HPCAL1: variants seen among roughly 807,000 people sequenced by gnomAD.
HPCAL1 encodes the protein hippocalcin like 1, also known as hippocalcin-like protein 1.
Under a neutral mutation model 17.1 loss-of-function variants are expected in HPCAL1, and 8 were observed. The observed-to-expected ratio is 0.47, with a 90% CI of 0.27 to 0.84. The LOEUF (loss-of-function observed/expected upper bound fraction) is 0.84, where lower values mean the gene tolerates loss of function less well. Ranked by LOEUF, HPCAL1 falls within the 40% of genes least tolerant of loss-of-function variation. The pLI is 0.13. For missense variants in HPCAL1, 165 were observed against 271.1 expected, an observed-to-expected ratio of 0.61 and a Z score of 2.75; for synonymous variants, 112 against 111.4, an observed-to-expected ratio of 1.01 and a Z score of -0.03.
intron 1 of HPCAL1, among the ~76,000 whole-genome samples, chr2:10,345,803 AAGTGAT>A (rs1453189168): frequency 1.3e-5 from 2 of 152,202 alleles, no homozygotes; most frequent in Admixed American, 1.3e-4. Flanking sequence ...CTGAATATAA[AAGTGAT>A]ACATGCATGT....
intron 1 of HPCAL1, among the ~76,000 whole-genome samples, chr2:10,309,857 G>T (rs1018441573): frequency 6.6e-6 from 1 of 152,152 alleles, no homozygotes; most frequent in Admixed American, 6.5e-5. Flanking sequence ...CCCATTGTAC[G>T]CCAGGTAGAT....
chr2:10,396,640 G>T (rs1669045959), intron 1 of HPCAL1, among the ~76,000 whole-genome samples, 195 bp from the exon 2 acceptor site: 1 of 152,248 alleles, frequency 6.6e-6, no homozygotes, highest in Non-Finnish European at 1.5e-5. Flanking sequence ...GCCTGCTGGG[G>T]TGCAGCGGCC....
chr2:10,350,975 G>A (rs1019309108), intron 1 of HPCAL1, among the ~76,000 whole-genome samples: 12 of 152,218 alleles, frequency 7.9e-5, no homozygotes, highest in African/African-American at 2.2e-4. Context: ...TTGGTAGGAT[G>A]AAAATGGTGC....
intron 2 of HPCAL1, among the ~76,000 whole-genome samples, chr2:10,407,046 G>C (rs1343062782): frequency 6.6e-6 from 1 of 152,138 alleles, no homozygotes; most frequent in Non-Finnish European, 1.5e-5. Context: ...CACTGGTCCA[G>C]GGAATGATCT....
At chr2:10,371,795 G>T (rs1007032986) in intron 1 of HPCAL1, among the ~76,000 whole-genome samples, 1 of 152,190 alleles carries the variant, frequency 6.6e-6, no homozygotes, top group Non-Finnish European at 1.5e-5. Flanking sequence ...TCGCTGTCAG[G>T]GGTCAGCGTG....
Position 10,394,372 on chromosome 2 carries a change from G to A in HPCAL1, c.-110-2463G>A, listed in dbSNP as rs535380675. Among the ~76,000 whole-genome samples the A allele has an allele frequency of 4.6e-5, 7 of 152,170 alleles. No individual in the cohort carries two copies. Among genetic ancestry groups the A allele is most frequent in the East Asian group, 1.9e-4 (1 of 5,178 alleles). ...TGGTTCCATTGCTGGGTTTCTCCTC[G>A]TGGAGAGCCCTTGACCCTGTCCAGG... is the stretch of plus-strand genomic sequence containing the variant. On this transcript the variant is annotated intron_variant, in intron 1 of 4. Transcript: ENST00000307845. The surrounding 1 kb of genome is among the most constrained non-coding windows in gnomAD (Gnocchi z 5.0).
intron 2 of HPCAL1, among the ~76,000 whole-genome samples, chr2:10,415,453 T>C (rs954610504): frequency 6.6e-6 from 1 of 152,132 alleles, no homozygotes; most frequent in African/African-American, 2.4e-5. Context: ...TCTATCAGTT[T>C]GGGGGTTCTC....
At chr2:10,303,591 C>A (rs1485127519) in intron 1 of HPCAL1, 1 of 152,296 alleles carries the variant, frequency 6.6e-6, no homozygotes, top group East Asian at 1.9e-4. Flanking sequence ...CAGTGCGTAG[C>A]TTAGGAGCCT....
intron 1 of HPCAL1, among the ~76,000 whole-genome samples, chr2:10,334,569 C>T (rs1387303351): frequency 6.7e-6 from 1 of 149,278 alleles, no homozygotes; most frequent in African/African-American, 2.5e-5. Context: ...ATATATATAT[C>T]ACTTTGTAAT....
intron 2 of HPCAL1, among the ~76,000 whole-genome samples, chr2:10,397,132 C>T (rs901339978): frequency 5.3e-5 from 8 of 152,172 alleles, no homozygotes; most frequent in African/African-American, 1.7e-4. Flanking sequence ...AGAAACAGCC[C>T]CCCAGGCCCC....
intron 1 of HPCAL1, among the ~76,000 whole-genome samples, chr2:10,332,975 C>T (rs917099366): frequency 1.9e-5 from 1 of 52,786 alleles, no homozygotes; most frequent in African/African-American, 8.7e-5. Context: ...GTGAGGGGTG[C>T]AGGGGGGAGG....
intron 1 of HPCAL1, among the ~76,000 whole-genome samples, chr2:10,364,586 C>CTTTT (rs747134630): frequency 7.0e-6 from 1 of 143,764 alleles, no homozygotes. Context: ...CTCCCGCCTC[C>CTTTT]TTTTTTTTTT....
At chr2:10,414,212 T>A (rs1013982339) in intron 2 of HPCAL1, among the ~76,000 whole-genome samples, 1 of 152,260 alleles carries the variant, frequency 6.6e-6, no homozygotes, top group African/African-American at 2.4e-5. Context: ...GTACCTGGCA[T>A]CACTCCTGCC....
At chr2:10,393,146 C>T (rs991114644) in intron 1 of HPCAL1, among the ~76,000 whole-genome samples, 9 of 152,198 alleles carry the variant, frequency 5.9e-5, no homozygotes, top group African/African-American at 1.9e-4. Flanking sequence ...AGACAGAAAT[C>T]GGGAGCAACC....
intron 1 of HPCAL1, among the ~76,000 whole-genome samples, chr2:10,355,268 G>A (rs970249585): frequency 1.9e-4 from 29 of 151,572 alleles, no homozygotes; most frequent in African/African-American, 6.0e-4. Flanking sequence ...TGGCTAAAAC[G>A]GGGAAACCCC....
intron 1 of HPCAL1, among the ~76,000 whole-genome samples, chr2:10,312,904 TCATCACTGTCACCACCATCAC>T (rs1663083994): frequency 1.3e-5 from 2 of 152,134 alleles, no homozygotes; most frequent in Non-Finnish European, 2.9e-5. Flanking sequence ...ATCGTCATCA[TCATCACTGTCACCACCATCAC>T]CATCACTGTC....
chr2:10,387,638 T>C (rs1435391790), intron 1 of HPCAL1, among the ~76,000 whole-genome samples: 1 of 152,210 alleles, frequency 6.6e-6, no homozygotes, highest in Non-Finnish European at 1.5e-5. Flanking sequence ...ACAGTGGTAC[T>C]CAGAGAGGCT....
At chr2:10,403,202 T>C (rs753174951) in intron 2 of HPCAL1, among the ~76,000 whole-genome samples, 4 of 152,234 alleles carry the variant, frequency 2.6e-5, no homozygotes, top group Non-Finnish European at 5.9e-5. Context: ...CTCAGGTGCT[T>C]TGGAAGCCTC....
intron 3 of HPCAL1, among the ~76,000 whole-genome samples, chr2:10,422,408 A>G (rs1290841169): frequency 6.6e-6 from 1 of 152,168 alleles, no homozygotes; most frequent in Admixed American, 6.5e-5. Context: ...AGCAGCACAG[A>G]GTCACATGCC....
Sources: allele counts gnomAD v4.1 joint callset (sites outside exome capture counted in the v4.1 genomes callset), GRCh38; gene constraint gnomAD v4.1.1; non-coding constraint Gnocchi (gnomAD v3.1); transcripts MANE v1.5; gene names NCBI Gene and HGNC (gene_info 2026-07-23, HGNC 2026-07-21).